NPAS3: variants seen among roughly 807,000 people sequenced by gnomAD.
NPAS3 encodes neuronal PAS domain protein 3.
Under a neutral mutation model 73.1 loss-of-function variants are expected in NPAS3, and 14 were observed. That is an observed-to-expected ratio of 0.19 (90% CI 0.13 to 0.30). NPAS3 has a LOEUF of 0.30. Ranked by LOEUF, NPAS3 falls within the 10% of genes least tolerant of loss-of-function variation. NPAS3 has a pLI of 1.00. For missense variants in NPAS3, 1,096 were observed against 1,250.0 expected, an observed-to-expected ratio of 0.88 and a Z score of 1.86; for synonymous variants, 620 against 541.5, an observed-to-expected ratio of 1.14 and a Z score of -2.01.
At chr14:33,507,270 C>T (rs545569143) in intron 4 of NPAS3, among the ~76,000 whole-genome samples, 23 of 152,076 alleles carry the variant, frequency 1.5e-4, no homozygotes, top group Non-Finnish European at 2.9e-4. Context: ...AGAAATGTCT[C>T]GTCTCAGAAT....
chr14:33,264,980 G>A (rs542142171), intron 3 of NPAS3, among the ~76,000 whole-genome samples: 7 of 152,272 alleles, frequency 4.6e-5, no homozygotes, highest in Non-Finnish European at 8.8e-5. Flanking sequence ...ATTTCTTGAG[G>A]TAATATGGAA....
intron 3 of NPAS3, among the ~76,000 whole-genome samples, chr14:33,277,370 A>G (rs2041384961): frequency 6.6e-6 from 1 of 152,128 alleles, no homozygotes; most frequent in Non-Finnish European, 1.5e-5. Flanking sequence ...TATTTTTCAG[A>G]ATTATCAAGT....
At chr14:33,656,455 C>G (rs1567094877) in intron 5 of NPAS3, among the ~76,000 whole-genome samples, 1 of 152,148 alleles carries the variant, frequency 6.6e-6, no homozygotes, top group Non-Finnish European at 1.5e-5. Context: ...AGTAGGAGAG[C>G]TGAGATTCCA....
At chr14:33,309,191 C>G (rs1044597037) in intron 3 of NPAS3, among the ~76,000 whole-genome samples, 8 of 152,028 alleles carry the variant, frequency 5.3e-5, no homozygotes, top group African/African-American at 1.7e-4. Flanking sequence ...CCTCCTTTTC[C>G]TTTTTTATAT....
rs80246989 is a variant in NPAS3 at position 33,329,895 on chromosome 14, T to C, written c.386-37291T>C. ...TAAGTGTTACATTAATGTGTATTAC[T>C]GTTCTGTAGCAATGAGCAGTCTTTT... On this transcript the variant is annotated intron_variant, in intron 3 of 11. Transcript: ENST00000356141. 2.6e-3 allele frequency among the ~76,000 whole-genome samples: 402 copies of C among 152,306 alleles called. 2 individuals carry two copies. The highest frequency in any genetic ancestry group is 9.4e-3 in the African/African-American group (392 of 41,560).
At chr14:33,071,436 A>G (rs1010842921) in intron 2 of NPAS3, among the ~76,000 whole-genome samples, 2 of 152,022 alleles carry the variant, frequency 1.3e-5, no homozygotes, top group African/African-American at 4.8e-5. Flanking sequence ...TTTTAAGTAA[A>G]TCTTTTAATT....
chr14:32,989,455 T>C (rs2038227058), intron 1 of NPAS3, among the ~76,000 whole-genome samples: 1 of 152,018 alleles, frequency 6.6e-6, no homozygotes, highest in Non-Finnish European at 1.5e-5. Context: ...CCATCCTGGC[T>C]AACACGGTGA....
chr14:33,224,853 TAAG>T (rs2047566265), intron 3 of NPAS3, among the ~76,000 whole-genome samples: 1 of 152,172 alleles, frequency 6.6e-6, no homozygotes, highest in Admixed American at 6.5e-5. Context: ...AGAATAATTT[TAAG>T]AAGGCATTAG....
At chr14:33,371,620 A>T (rs1444376162) in intron 4 of NPAS3, among the ~76,000 whole-genome samples, 2 of 152,096 alleles carry the variant, frequency 1.3e-5, no homozygotes, top group South Asian at 2.1e-4. Context: ...TTATGTAACC[A>T]TTTTCCTGCT....
chr14:33,514,396 A>G, intron 4 of NPAS3, among the ~76,000 whole-genome samples: 1 of 152,056 alleles, frequency 6.6e-6, no homozygotes, highest in Admixed American at 6.6e-5. Flanking sequence ...GATAAGGGCC[A>G]TCCAGTTATT....
chr14:33,391,842 G>A (rs746976807), intron 4 of NPAS3, among the ~76,000 whole-genome samples: 39 of 152,084 alleles, frequency 2.6e-4, no homozygotes, highest in Non-Finnish European at 5.1e-4. Context: ...GACAGTAAAA[G>A]GTCTTAGATC....
At chr14:32,986,497 TTG>T (rs2038106659) in intron 1 of NPAS3, among the ~76,000 whole-genome samples, 1 of 152,164 alleles carries the variant, frequency 6.6e-6, no homozygotes, top group African/African-American at 2.4e-5. Context: ...GCATGGGTTT[TTG>T]TGTGTTGATG....
intron 5 of NPAS3, among the ~76,000 whole-genome samples, chr14:33,647,444 T>C (rs2058866902): frequency 6.6e-6 from 1 of 152,130 alleles, no homozygotes; most frequent in Admixed American, 6.6e-5. Context: ...TGTTTCTTAC[T>C]GTATTGTCCC....
intron 5 of NPAS3, among the ~76,000 whole-genome samples, chr14:33,594,566 T>C (rs894363782): frequency 1.3e-5 from 2 of 152,120 alleles, no homozygotes; most frequent in Non-Finnish European, 2.9e-5. Context: ...TCGCTGCCTG[T>C]TTTTCTGGGA....
At position 33,132,528 on chromosome 14, in the gene NPAS3, T is replaced by C. The variant is rs146005105; in HGVS notation, c.140+76534T>C. ...GGTTAGAGATGGAAATTGAGATTGA[T>C]GGCTGAAATCATCAAGAGGCACCAA... On this transcript the variant is annotated intron_variant, in intron 2 of 11. Coordinates refer to ENST00000356141, the Ensembl canonical transcript of NPAS3. Among the ~76,000 whole-genome samples the C allele has an allele frequency of 2.2e-3, 342 of 152,170 alleles. 3 individuals carry two copies. Among genetic ancestry groups the C allele is most frequent in the African/African-American group, 7.9e-3 (329 of 41,540 alleles).
chr14:33,362,551 C>T (rs2045651486), intron 3 of NPAS3, among the ~76,000 whole-genome samples: 1 of 152,100 alleles, frequency 6.6e-6, no homozygotes, highest in African/African-American at 2.4e-5. Context: ...CTTTGCTTAG[C>T]CAAAGCCCAG....
At chr14:33,280,095 G>A (rs17100525) in intron 3 of NPAS3, among the ~76,000 whole-genome samples, 2 of 152,234 alleles carry the variant, frequency 1.3e-5, no homozygotes, top group South Asian at 4.1e-4. Context: ...GAGTTCTGGC[G>A]GAGAGTCTCA....
At chr14:33,310,455 C>T (rs185896958) in intron 3 of NPAS3, among the ~76,000 whole-genome samples, 1 of 152,272 alleles carries the variant, frequency 6.6e-6, no homozygotes, top group East Asian at 1.9e-4. Flanking sequence ...GAGAGCAAGA[C>T]AGACCCTCAC....
At chr14:33,211,688 A>G (rs2047040496) in intron 2 of NPAS3, among the ~76,000 whole-genome samples, 1 of 152,216 alleles carries the variant, frequency 6.6e-6, no homozygotes, top group Non-Finnish European at 1.5e-5. Context: ...ACAATAATGC[A>G]TATAATATCC....
Sources: allele counts gnomAD v4.1 joint callset (sites outside exome capture counted in the v4.1 genomes callset), GRCh38; gene constraint gnomAD v4.1.1; transcripts MANE v1.5; gene names NCBI Gene and HGNC (gene_info 2026-07-23, HGNC 2026-07-21).